Variants in ANO5 observed in about 807,000 individuals in gnomAD.
ANO5 encodes anoctamin 5.
ANO5 carries 109 observed loss-of-function variants against 121.0 expected under a neutral mutation model. The ratio of observed to expected loss-of-function variants is 0.90; its 90% CI spans 0.77 to 1.06. The LOEUF (loss-of-function observed/expected upper bound fraction) is 1.06. Among genes scored for constraint, ANO5 ranks in the 50% least tolerant of loss-of-function variants. The probability of loss-of-function intolerance (pLI) is 0.00; values close to 1 mark genes in which losing one functional copy is unlikely to be tolerated. For synonymous variants in ANO5, 406 were observed against 359.9 expected (o/e 1.13, Z -1.45); for missense variants, 1,064 against 1,078.5 (o/e 0.99, Z 0.19).
intron 15 of ANO5, chr11:22,261,716 G>A (rs956717611): frequency 1.0e-5 from 2 of 195,078 alleles, no homozygotes; most frequent in South Asian, 2.0e-4. Flanking sequence ...TCAATACCAG[G>A]AGAACAGCAT....
chr11:22,267,525 A>ATATATATATAT (rs1239852095), intron 17 of ANO5, among the ~76,000 whole-genome samples: 2,848 of 139,918 alleles, frequency 0.02, 142 homozygotes, highest in African/African-American at 0.085. Flanking sequence ...TATATATATA[A>ATATATATATAT]AATCTATCTA....
intron 9 of ANO5, among the ~76,000 whole-genome samples, chr11:22,243,190 T>G (rs1853488729): frequency 1.3e-5 from 2 of 152,152 alleles, no homozygotes; most frequent in African/African-American, 4.8e-5. Flanking sequence ...TTTTTCCTCT[T>G]AATCCTATTT....
At chr11:22,255,602 T>A (rs1853977247) in intron 13 of ANO5, 80 bp downstream of exon 13, 1 of 1,539,168 alleles carries the variant, frequency 6.5e-7, no homozygotes, top group African/African-American at 1.4e-5. Flanking sequence ...AATCATAGTT[T>A]ATTTTGCCTT....
intron 8 of ANO5, among the ~76,000 whole-genome samples, chr11:22,236,533 T>C (rs1215613512): frequency 6.6e-6 from 1 of 152,184 alleles, no homozygotes; most frequent in Non-Finnish European, 1.5e-5. Context: ...AGAACCCATT[T>C]TGAAAATAGC....
chr11:22,215,439 A>C (rs958300159), intron 3 of ANO5, among the ~76,000 whole-genome samples: 1 of 151,944 alleles, frequency 6.6e-6, no homozygotes, highest in Non-Finnish European at 1.5e-5. Context: ...AATACAATTG[A>C]TATGCCATCT....
intron 3 of ANO5, among the ~76,000 whole-genome samples, chr11:22,213,163 T>A (rs1590226376): frequency 6.6e-6 from 1 of 151,968 alleles, no homozygotes; most frequent in East Asian, 1.9e-4. Flanking sequence ...AATCTTACAT[T>A]AGTATGGTAC....
intron 18 of ANO5, among the ~76,000 whole-genome samples, chr11:22,272,302 G>GCGCACACACACA (rs148086026): frequency 7.4e-6 from 1 of 134,488 alleles, no homozygotes; most frequent in East Asian, 2.3e-4. Context: ...TCCTTTTCCG[G>GCGCACACACACA]CACACACACA....
intron 5 of ANO5, among the ~76,000 whole-genome samples, chr11:22,222,770 A>G (rs977563448): frequency 6.6e-6 from 1 of 152,034 alleles, no homozygotes; most frequent in East Asian, 1.9e-4. Context: ...GAAAACTTAC[A>G]ATTTACTGAC....
chr11:22,270,290 T>C, intron 17 of ANO5, 22 bp from the exon 18 acceptor site: 1 of 1,613,974 alleles, frequency 6.2e-7, no homozygotes. Flanking sequence ...TTTCATATAT[T>C]AACTTTTATC....
intron 9 of ANO5, among the ~76,000 whole-genome samples, chr11:22,249,477 A>G (rs1853726976): frequency 6.6e-6 from 1 of 152,110 alleles, no homozygotes; most frequent in Non-Finnish European, 1.5e-5. Flanking sequence ...GAGGAAGATT[A>G]ATCAGGTTAA....
intron 7 of ANO5, among the ~76,000 whole-genome samples, chr11:22,235,333 A>G (rs1420881673): frequency 6.6e-6 from 1 of 152,092 alleles, no homozygotes. Context: ...TTATGACATC[A>G]TTTGTAAAAA....
intron 14 of ANO5, 39 bp downstream of exon 14, chr11:22,257,793 A>C (rs771649121): frequency 3.3e-6 from 5 of 1,523,398 alleles, no homozygotes; most frequent in Non-Finnish European, 4.5e-6. Context: ...TTTCTTCAAC[A>C]GGTGATTAAA....
chr11:22,233,431 G>A (rs1297754421), intron 7 of ANO5, among the ~76,000 whole-genome samples: 7 of 151,178 alleles, frequency 4.6e-5, no homozygotes, highest in East Asian at 3.9e-4. Flanking sequence ...ATTTATCACC[G>A]TAAGCTTTCC....
At chr11:22,240,715 C>T (rs1853400365) in intron 9 of ANO5, among the ~76,000 whole-genome samples, 1 of 152,046 alleles carries the variant, frequency 6.6e-6, no homozygotes, top group Non-Finnish European at 1.5e-5. Context: ...AAGTGAAATT[C>T]TACCTTCATC....
At chr11:22,226,554 C>T (rs1852838363) in intron 6 of ANO5, among the ~76,000 whole-genome samples, 1 of 151,950 alleles carries the variant, frequency 6.6e-6, no homozygotes, top group East Asian at 1.9e-4. Context: ...TAGCAAGATC[C>T]TGTCTCTACA....
chr11:22,255,408 C>G lies in ANO5; in HGVS notation c.1218C>G (p.Ala406=). Residue 406 remains alanine, a synonymous_variant, in exon 13 of 22, where the codon GCC becomes GCG. Transcript: ENST00000324559. The part of the protein sequence containing the change: ...LFLEFWKQRQ[A]RLEYEWDLVD... ...TGGAGTTTTGGAAACAACGACAAGCCAGACTGGAATATGAATGGGACCTGG... is the reference window on the plus strand; with the variant it reads ...TGGAGTTTTGGAAACAACGACAAGCGAGACTGGAATATGAATGGGACCTGG... 6.2e-7 allele frequency: 1 copy of G among 1,611,874 alleles called. No individual in the cohort carries two copies. The highest frequency in any genetic ancestry group is 8.5e-7 in the Non-Finnish European group (1 of 1,178,584).
At chr11:22,238,239 A>C (rs373064372) in intron 8 of ANO5, among the ~76,000 whole-genome samples, 2 of 150,024 alleles carry the variant, frequency 1.3e-5, no homozygotes, top group Non-Finnish European at 3.0e-5. Flanking sequence ...AACACTTTGC[A>C]TTGCATTCTG....
Position 22,226,023 on chromosome 11 carries a change from G to T in ANO5, c.334G>T (p.Gly112Cys). The T allele has an allele frequency of 6.2e-7, 1 of 1,608,930 alleles. No homozygotes were observed. Among genetic ancestry groups the T allele is most frequent in the East Asian group, 2.2e-5 (1 of 44,726 alleles). Residue 112 changes from glycine (G) to cysteine (C), a missense_variant, in exon 6 of 22, where the codon GGT becomes TGT. By Grantham distance (159) the Gly-to-Cys change is radical. Transcript: ENST00000324559. Reference sequence around the variant, plus strand: ...GTTTGAAACTAATCTCAGAAAAACAGGTCTTGAGTTGGAAATAGAAGACAA... The same window carrying T: ...GTTTGAAACTAATCTCAGAAAAACATGTCTTGAGTTGGAAATAGAAGACAA... ...KEFETNLRKT[G>C]LELEIEDKRD... is the part of the protein sequence containing the mutation.
chr11:22,216,001 T>A (rs1040897671), intron 3 of ANO5, among the ~76,000 whole-genome samples: 1 of 151,930 alleles, frequency 6.6e-6, no homozygotes, highest in African/African-American at 2.4e-5. Context: ...TGAATATATC[T>A]GTACTAGAGA....
Sources: allele counts gnomAD v4.1 joint callset (sites outside exome capture counted in the v4.1 genomes callset), GRCh38; gene constraint gnomAD v4.1.1; transcripts MANE v1.5; gene names NCBI Gene and HGNC (gene_info 2026-07-23, HGNC 2026-07-21).